The following DDAH1 variants were observed in gnomAD, a reference collection of about 807,000 sequenced individuals.
DDAH1 encodes the protein N(G),N(G)-dimethylarginine dimethylaminohydrolase 1.
In DDAH1, 19 loss-of-function variants were observed where a neutral mutation model predicts 28.8. That is an observed-to-expected ratio of 0.66 (90% CI 0.46 to 0.97). The LOEUF (loss-of-function observed/expected upper bound fraction) is 0.97, where lower values mean the gene tolerates loss of function less well. DDAH1 is among the 50% of genes least tolerant of loss of function. The pLI is 0.00. For synonymous variants in DDAH1, 153 were observed against 154.4 expected (o/e 0.99, Z 0.07); for missense variants, 326 against 375.9 (o/e 0.87, Z 1.10).
chr1:85,383,613 C>T (rs1651106144), intron 1 of DDAH1, among the ~76,000 whole-genome samples: 1 of 152,204 alleles, frequency 6.6e-6, no homozygotes, highest in African/African-American at 2.4e-5. Context: ...TATCAAACAG[C>T]ATTGCTTCTT....
chr1:85,487,381 A>T (rs549643974), intron 2 of DDAH1, among the ~76,000 whole-genome samples: 1 of 152,382 alleles, frequency 6.6e-6, no homozygotes, highest in African/African-American at 2.4e-5. Context: ...GGGAGTTATT[A>T]AAGAGCTGAC....
At chr1:85,393,076 T>A (rs1382537637) in intron 1 of DDAH1, among the ~76,000 whole-genome samples, 1 of 152,230 alleles carries the variant, frequency 6.6e-6, no homozygotes, top group Non-Finnish European at 1.5e-5. Flanking sequence ...AATAATTCAG[T>A]TGCCCATTCT....
chr1:85,337,808 TCTGAA>T (rs1395393757), intron 4 of DDAH1, among the ~76,000 whole-genome samples: 7 of 152,142 alleles, frequency 4.6e-5, no homozygotes, highest in Admixed American at 1.3e-4. Context: ...TTTTAATAAC[TCTGAA>T]AACCCTCCTA....
upstream of DDAH1, among the ~76,000 whole-genome samples, chr1:85,469,718 C>A (rs1655553328): frequency 6.6e-6 from 1 of 152,146 alleles, no homozygotes; most frequent in South Asian, 2.1e-4. Context: ...CCAAATCTCA[C>A]CCACAAGTGT....
intron 2 of DDAH1, among the ~76,000 whole-genome samples, chr1:85,353,993 T>C (rs1251213261): frequency 1.3e-5 from 2 of 152,158 alleles, no homozygotes; most frequent in Admixed American, 1.3e-4. Context: ...AAGAGAAGGA[T>C]GCTGCTTATC....
chr1:85,405,390 T>C (rs1347973277), intron 1 of DDAH1, among the ~76,000 whole-genome samples: 1 of 152,236 alleles, frequency 6.6e-6, no homozygotes, highest in Non-Finnish European at 1.5e-5. Flanking sequence ...TGTAGTTCTA[T>C]AGACGGCATG....
chr1:85,466,662 A>C (rs1486002436), upstream of DDAH1, among the ~76,000 whole-genome samples: 1 of 152,254 alleles, frequency 6.6e-6, no homozygotes, highest in East Asian at 1.9e-4. Context: ...CAAAATTCTT[A>C]GGGGATCCAG....
chr1:85,574,228 T>C (rs558415712), intron 1 of DDAH1, among the ~76,000 whole-genome samples: 16 of 152,250 alleles, frequency 1.1e-4, no homozygotes, highest in Admixed American at 7.8e-4. Context: ...TAATCCTGAG[T>C]CATGGCATGG....
At chr1:85,425,380 C>A (rs1653350070) in intron 1 of DDAH1, among the ~76,000 whole-genome samples, 1 of 152,142 alleles carries the variant, frequency 6.6e-6, no homozygotes, top group Non-Finnish European at 1.5e-5. Flanking sequence ...CTCCCTGCTT[C>A]TAGAGCTAGC....
chr1:85,567,909 T>C (rs1377357844), intron 1 of DDAH1, among the ~76,000 whole-genome samples: 1 of 152,210 alleles, frequency 6.6e-6, no homozygotes, highest in African/African-American at 2.4e-5. Context: ...TAGACATTCT[T>C]TTCAAGATGG....
intron 1 of DDAH1, among the ~76,000 whole-genome samples, chr1:85,550,599 C>T (rs938014210): frequency 2.0e-5 from 3 of 152,168 alleles, no homozygotes; most frequent in Admixed American, 2.0e-4. Context: ...GTGAAAACAT[C>T]TGAAACTGAA....
intron 2 of DDAH1, among the ~76,000 whole-genome samples, chr1:85,481,059 A>G (rs1337602806): frequency 1.4e-5 from 2 of 147,770 alleles, no homozygotes; most frequent in East Asian, 3.9e-4. Context: ...AGAAGCATAT[A>G]CTTCATAAAA....
At chr1:85,520,462 T>C (rs1657643641) in intron 1 of DDAH1, among the ~76,000 whole-genome samples, 2 of 152,216 alleles carry the variant, frequency 1.3e-5, no homozygotes, top group Admixed American at 6.5e-5. Context: ...ATTGAACAGT[T>C]GCACTAGGTT....
chr1:85,494,354 T>A (rs1368355902), intron 2 of DDAH1: 1 of 152,194 alleles, frequency 6.6e-6, no homozygotes, highest in Non-Finnish European at 1.5e-5. Context: ...CAAAGAGTAC[T>A]CTCTCTTAAT....
At chr1:85,426,960 C>T (rs974929839) in intron 1 of DDAH1, among the ~76,000 whole-genome samples, 12 of 140,444 alleles carry the variant, frequency 8.5e-5, no homozygotes, top group Non-Finnish European at 1.7e-4. Context: ...AAATAAATTA[C>T]ATTTTCCTTG....
intron 1 of DDAH1, among the ~76,000 whole-genome samples, chr1:85,402,644 T>C (rs1198952482): frequency 6.6e-6 from 1 of 151,892 alleles, no homozygotes; most frequent in African/African-American, 2.4e-5. Context: ...GACGCGGTGG[T>C]TCACGCCTGT....
intron 1 of DDAH1, among the ~76,000 whole-genome samples, chr1:85,547,689 A>T (rs576029872): frequency 6.6e-6 from 1 of 152,234 alleles, no homozygotes; most frequent in African/African-American, 2.4e-5. Context: ...ACTGGGCACA[A>T]GAGTGATTGA....
At chr1:85,364,511 G>A (rs1649958194) in intron 1 of DDAH1, among the ~76,000 whole-genome samples, 1 of 151,812 alleles carries the variant, frequency 6.6e-6, no homozygotes, top group Non-Finnish European at 1.5e-5. Flanking sequence ...GGTTTGTTCA[G>A]TGGTTCATTC....
chr1:85,396,680 T>C (rs895756217), intron 1 of DDAH1, among the ~76,000 whole-genome samples: 16 of 152,146 alleles, frequency 1.1e-4, no homozygotes, highest in Admixed American at 3.3e-4. Context: ...ATAGGAAATA[T>C]TGTCAATAAG....
Sources: allele counts gnomAD v4.1 joint callset (sites outside exome capture counted in the v4.1 genomes callset), GRCh38; gene constraint gnomAD v4.1.1; transcripts MANE v1.5; gene names NCBI Gene and HGNC (gene_info 2026-07-23, HGNC 2026-07-21).